The following KIAA1217 variants were observed in gnomAD, a reference collection of about 807,000 sequenced individuals.
KIAA1217 encodes the protein KIAA1217.
A neutral mutation model predicts 163.9 loss-of-function variants in KIAA1217; 88 were observed. The observed-to-expected ratio is 0.54, with a 90% CI of 0.45 to 0.64. KIAA1217 has a LOEUF of 0.64. Ranked by LOEUF, KIAA1217 falls within the 30% of genes least tolerant of loss-of-function variation. The probability of loss-of-function intolerance (pLI) is 0.00; values close to 1 mark genes in which losing one functional copy is unlikely to be tolerated. For missense variants in KIAA1217, 2,372 were observed against 2,475.0 expected, an observed-to-expected ratio of 0.96 and a Z score of 0.88; for synonymous variants, 903 against 923.1, an observed-to-expected ratio of 0.98 and a Z score of 0.39.
At chr10:23,982,620 A>C (rs1386161423) in intron 1 of KIAA1217, among the ~76,000 whole-genome samples, 2 of 136,260 alleles carry the variant, frequency 1.5e-5, no homozygotes, top group East Asian at 4.4e-4. Context: ...CTGGAGTGCA[A>C]TGGCGTGGTC....
intron 6 of KIAA1217, among the ~76,000 whole-genome samples, chr10:24,486,615 A>G (rs1402753378): frequency 1.3e-5 from 2 of 152,124 alleles, no homozygotes; most frequent in African/African-American, 4.8e-5. Flanking sequence ...GGCAGAGTGT[A>G]TATGTGTGAG....
chr10:23,775,824 C>T (rs181305169), intron 1 of KIAA1217, among the ~76,000 whole-genome samples: 1 of 152,270 alleles, frequency 6.6e-6, no homozygotes, highest in East Asian at 1.9e-4. Flanking sequence ...CTGATTTGTA[C>T]TGCAAGACAT....
chr10:24,429,118 T>C (rs1469595672), intron 3 of KIAA1217, among the ~76,000 whole-genome samples: 1 of 152,204 alleles, frequency 6.6e-6, no homozygotes, highest in Non-Finnish European at 1.5e-5. Context: ...TAGACCTAGA[T>C]TGAAAATATT....
chr10:24,376,728 C>T (rs893194359), intron 2 of KIAA1217, among the ~76,000 whole-genome samples: 1 of 152,124 alleles, frequency 6.6e-6, no homozygotes, highest in Non-Finnish European at 1.5e-5. Context: ...TACCACTGCA[C>T]TCCAGCCTGG....
intron 2 of KIAA1217, among the ~76,000 whole-genome samples, chr10:24,316,552 GAC>G (rs2043399966): frequency 6.6e-6 from 1 of 152,084 alleles, no homozygotes; most frequent in Admixed American, 6.6e-5. Context: ...ACCCCTAGTG[GAC>G]TCGATCAACT....
At chr10:23,774,771 G>C (rs1199942783) in intron 1 of KIAA1217, among the ~76,000 whole-genome samples, 2 of 152,216 alleles carry the variant, frequency 1.3e-5, no homozygotes, top group Non-Finnish European at 2.9e-5. Flanking sequence ...TATTTCCCAT[G>C]TGGGACTCTG....
chr10:23,826,544 C>T (rs1333606218), intron 1 of KIAA1217, among the ~76,000 whole-genome samples: 1 of 152,162 alleles, frequency 6.6e-6, no homozygotes, highest in Non-Finnish European at 1.5e-5. Flanking sequence ...AAACTCCCTG[C>T]ATTTCCTTTG....
rs566499569 is a variant in KIAA1217 at position 23,707,777 on chromosome 10, T to C, written c.-321+12543T>C. Among the ~76,000 whole-genome samples the C allele has an allele frequency of 1.9e-4, 29 of 152,332 alleles. No individual in the cohort carries two copies. In the East Asian group the frequency reaches 5.4e-3, roughly 28 times the overall value. The stretch of plus-strand genomic sequence containing the variant: ...AAAAATTAAAATGTCCTTGTCTGGA[T>C]TCACCAGTTTTATTTTGGTTTCAGG... On this transcript the variant is annotated intron_variant, in intron 1 of 18. Transcript: ENST00000376462.
chr10:23,791,293 C>T (rs1035680790), intron 1 of KIAA1217, among the ~76,000 whole-genome samples: 1 of 151,928 alleles, frequency 6.6e-6, no homozygotes, highest in African/African-American at 2.4e-5. Context: ...ATATGATAAG[C>T]CCATATGTAT....
chr10:24,326,593 C>T (rs2044936145), intron 2 of KIAA1217, among the ~76,000 whole-genome samples: 1 of 152,096 alleles, frequency 6.6e-6, no homozygotes, highest in Non-Finnish European at 1.5e-5. Flanking sequence ...GATGTGAATA[C>T]TGCTGTTATT....
intron 2 of KIAA1217, among the ~76,000 whole-genome samples, chr10:24,054,794 A>G (rs1849767541): frequency 6.6e-6 from 1 of 152,224 alleles, no homozygotes; most frequent in Non-Finnish European, 1.5e-5. Flanking sequence ...CCTGTACAGC[A>G]GATTACTGTA....
chr10:24,234,450 G>A (rs1162812557), intron 2 of KIAA1217, among the ~76,000 whole-genome samples: 1 of 151,974 alleles, frequency 6.6e-6, no homozygotes, highest in Non-Finnish European at 1.5e-5. Context: ...GATCACCTGA[G>A]GTCAGGAGTT....
intron 2 of KIAA1217, among the ~76,000 whole-genome samples, chr10:24,258,053 T>C (rs2075344889): frequency 6.6e-6 from 1 of 152,080 alleles, no homozygotes; most frequent in Non-Finnish European, 1.5e-5. Context: ...TAGTGGTGCA[T>C]ACCTATAATC....
intron 1 of KIAA1217, among the ~76,000 whole-genome samples, chr10:23,766,426 A>G (rs1472539243): frequency 6.6e-6 from 1 of 152,208 alleles, no homozygotes; most frequent in Non-Finnish European, 1.5e-5. Flanking sequence ...TTCAGTCCTA[A>G]TGTTAACTGA....
intron 2 of KIAA1217, among the ~76,000 whole-genome samples, chr10:24,029,681 G>T (rs1221923641): frequency 6.6e-6 from 1 of 152,136 alleles, no homozygotes; most frequent in South Asian, 2.1e-4. Flanking sequence ...CAAAGCCAGG[G>T]CCAGAGAGCC....
At chr10:23,871,389 T>C (rs1232281550) in intron 1 of KIAA1217, among the ~76,000 whole-genome samples, 1 of 152,080 alleles carries the variant, frequency 6.6e-6, no homozygotes, top group Non-Finnish European at 1.5e-5. Flanking sequence ...TTTGGGGTCT[T>C]GCTCTTCTAA....
intron 2 of KIAA1217, among the ~76,000 whole-genome samples, chr10:24,173,234 C>T (rs189833622): frequency 6.0e-4 from 91 of 152,218 alleles, no homozygotes; most frequent in African/African-American, 1.9e-3. Flanking sequence ...GAATCTAATG[C>T]CTGATGATCT....
chr10:24,324,852 C>T (rs536857471), intron 2 of KIAA1217, among the ~76,000 whole-genome samples: 3 of 152,146 alleles, frequency 2.0e-5, no homozygotes, highest in South Asian at 2.1e-4. Flanking sequence ...GATAGGAGCC[C>T]GAGGTTATCA....
intron 2 of KIAA1217, among the ~76,000 whole-genome samples, chr10:24,202,504 A>C (rs1178385766): frequency 6.6e-6 from 1 of 152,084 alleles, no homozygotes; most frequent in Non-Finnish European, 1.5e-5. Context: ...CTGTTCTCGG[A>C]GCCTCCACCC....
Sources: allele counts gnomAD v4.1 joint callset (sites outside exome capture counted in the v4.1 genomes callset), GRCh38; gene constraint gnomAD v4.1.1; transcripts MANE v1.5; gene names NCBI Gene and HGNC (gene_info 2026-07-23, HGNC 2026-07-21).